Variants in HEATR3 observed in about 807,000 individuals in gnomAD.
HEATR3 encodes HEAT repeat containing 3, also known as HEAT repeat-containing protein 3.
HEATR3 carries 56 observed loss-of-function variants against 72.8 expected under a neutral mutation model. The observed-to-expected ratio is 0.77, with a 90% CI of 0.62 to 0.96. The LOEUF is 0.96. Ranked by LOEUF, HEATR3 falls within the 40% of genes least tolerant of loss-of-function variation. The probability of loss-of-function intolerance (pLI) is 0.00; values close to 1 mark genes in which losing one functional copy is unlikely to be tolerated. For missense variants in HEATR3, 747 were observed against 831.4 expected (o/e 0.90, Z 1.25); for synonymous variants, 331 against 318.1 (o/e 1.04, Z -0.43).
intron 14 of HEATR3, among the ~76,000 whole-genome samples, chr16:50,103,190 C>G (rs894595073): frequency 4.6e-5 from 7 of 152,230 alleles, no homozygotes; most frequent in African/African-American, 1.4e-4. Flanking sequence ...AGTCATCAAA[C>G]TCTGCAGAAG....
In HEATR3 at chr16:50,099,675, T is replaced by C. The variant is rs185926914; in HGVS notation, c.1600-555T>C. Among the ~76,000 whole-genome samples, 61 of 152,278 alleles carry C rather than the reference T, an allele frequency of 4.0e-4. 1 individual carries two copies. The highest frequency in any genetic ancestry group is 1.2e-3 in the African/African-American group (51 of 41,568). On this transcript the variant is annotated intron_variant, in intron 12 of 14. Coordinates refer to ENST00000299192, the MANE Select transcript of HEATR3 (RefSeq NM_182922.4). ...CTCACTGCAACCTCTGTCTCCCAGG[T>C]TCAAGCGTTTCTTGTGCCTCAGCCT...
chr16:50,100,645 G>A (rs761501993), intron 13 of HEATR3: 7 of 388,044 alleles, frequency 1.8e-5, no homozygotes, highest in Non-Finnish European at 3.2e-5. Flanking sequence ...TAGTGAAAGG[G>A]CAAATTCAGA....
intron 13 of HEATR3, among the ~76,000 whole-genome samples, chr16:50,101,764 G>A (rs138222447): frequency 6.6e-6 from 1 of 152,198 alleles, no homozygotes; most frequent in African/African-American, 2.4e-5. Context: ...ACGTTTTTTA[G>A]AGATGAGGTC....
intron 11 of HEATR3, among the ~76,000 whole-genome samples, chr16:50,086,717 G>A (rs1597159126): frequency 6.6e-6 from 1 of 152,236 alleles, no homozygotes. Context: ...ATCACCTCAG[G>A]TCAGGAGTTG....
At position 50,075,562 on chromosome 16, in the gene HEATR3, G is replaced by A. The variant is rs764978858; in HGVS notation, c.623-9G>A. ...ATTTGTTTCTAAATACTTATTTTTT[G>A]CCTCGTAGCATATTGTTTGCAGACA... On this transcript the variant is annotated splice_polypyrimidine_tract_variant and intron_variant, in intron 5 of 14. Transcript: ENST00000299192. The A allele has an allele frequency of 6.2e-7, 1 of 1,603,510 alleles. No homozygotes were observed. Among genetic ancestry groups the A allele is most frequent in the Admixed American group, 1.7e-5 (1 of 59,030 alleles).
intron 5 of HEATR3, among the ~76,000 whole-genome samples, 162 bp from the exon 6 acceptor site, chr16:50,075,409 C>T (rs2036702973): frequency 6.6e-6 from 1 of 152,010 alleles, no homozygotes; most frequent in Non-Finnish European, 1.5e-5. Context: ...TGGGAAGCCT[C>T]ATTTGCGCAT....
chr16:50,072,098 AAAAT>A (rs2036624909), intron 4 of HEATR3, among the ~76,000 whole-genome samples: 2 of 152,312 alleles, frequency 1.3e-5, no homozygotes, highest in African/African-American at 4.8e-5. Context: ...TAAAAAATAA[AAAAT>A]AAATTTGTGT....
chr16:50,079,178 T>C (rs1403721698), intron 7 of HEATR3, among the ~76,000 whole-genome samples, 160 bp downstream of exon 7: 1 of 152,160 alleles, frequency 6.6e-6, no homozygotes, highest in Non-Finnish European at 1.5e-5. Context: ...TTTATGTCAT[T>C]AAAAATCTCC....
intron 13 of HEATR3, among the ~76,000 whole-genome samples, 184 bp from the exon 14 acceptor site, chr16:50,102,075 A>G (rs9928636): frequency 0.028 from 4,331 of 152,266 alleles, 214 homozygotes; most frequent in African/African-American, 0.1. Flanking sequence ...AAACTATAAT[A>G]TGTTTAATTT....
chr16:50,095,459 T>G (rs983920290), intron 12 of HEATR3, among the ~76,000 whole-genome samples: 53 of 149,870 alleles, frequency 3.5e-4, no homozygotes, highest in Admixed American at 2.3e-3. Context: ...AAGCATGCCC[T>G]CCTGACCCTT....
At chr16:50,094,520 T>TA (rs2150621511) in intron 11 of HEATR3, among the ~76,000 whole-genome samples, 185 bp from the exon 12 acceptor site, 1 of 152,320 alleles carries the variant, frequency 6.6e-6, no homozygotes, top group South Asian at 2.1e-4. Context: ...CAGACTTAGG[T>TA]ATAGAGTGTA....
chr16:50,079,661 A>G (rs117665728), intron 7 of HEATR3, among the ~76,000 whole-genome samples: 2,229 of 152,282 alleles, frequency 0.015, 23 homozygotes, highest in Non-Finnish European at 0.025. Context: ...ACACTTTGTT[A>G]AGGAGGAGAG....
At chr16:50,087,577 A>C (rs953063761) in intron 11 of HEATR3, among the ~76,000 whole-genome samples, 2 of 152,204 alleles carry the variant, frequency 1.3e-5, no homozygotes, top group Admixed American at 1.3e-4. Context: ...GGTGTTTTCT[A>C]TACTGAAGGA....
intron 2 of HEATR3, among the ~76,000 whole-genome samples, chr16:50,068,145 C>G (rs891944091): frequency 3.9e-5 from 6 of 152,124 alleles, no homozygotes; most frequent in African/African-American, 1.4e-4. Flanking sequence ...GGGATCCTGG[C>G]ACATTGTGAG....
chr16:50,079,519 G>T (rs981025388), intron 7 of HEATR3, among the ~76,000 whole-genome samples: 5 of 152,142 alleles, frequency 3.3e-5, no homozygotes, highest in Non-Finnish European at 7.3e-5. Flanking sequence ...AGTTTTCTTG[G>T]AGTCGGTGAT....
Position 50,105,009 on chromosome 16 carries a change from T to G in HEATR3, c.1991T>G (p.Leu664Trp). ...GTTCTTGACAATGTGAAAATGAATT[T>G]GCGAAGATTTATTGCTTATCAAGAA... ...LCVLDNVKMN[L>W]RRFIAYQETV... is the part of the protein sequence containing the mutation. Residue 664 changes from leucine to tryptophan, a missense_variant, in exon 15 of 15, where the codon TTG (leucine) becomes TGG (tryptophan). By Grantham distance (61) the Leu-to-Trp change is moderately conservative. Around this residue, in one of 2 missense-constraint regions of HEATR3, gnomAD observed 586 missense variants for 708.8 expected, o/e 0.83. Transcript: ENST00000299192. The G allele has an allele frequency of 6.2e-7, 1 of 1,613,356 alleles. No homozygotes were observed. The highest frequency in any genetic ancestry group is 1.7e-5 in the Admixed American group (1 of 59,886).
chr16:50,072,520 C>T (rs1051695800), intron 4 of HEATR3, 85 bp from the exon 5 acceptor site: 21 of 840,354 alleles, frequency 2.5e-5, no homozygotes, highest in Non-Finnish European at 3.5e-5. Flanking sequence ...TATAAAGCCT[C>T]GTTTGTTTTT....
rs1056624434 is a variant in HEATR3 at position 50,105,987 on chromosome 16, G to A, written c.*926G>A. The A allele has an allele frequency of 2.0e-5, 3 of 152,148 alleles. No individual in the cohort carries two copies. Among genetic ancestry groups the A allele is most frequent in the Non-Finnish European group, 4.4e-5 (3 of 68,028 alleles). 9.4% of individuals were successfully genotyped at this position (152,148 alleles called of 1,614,324 possible). The stretch of plus-strand genomic sequence containing the variant: ...AGAGTGGAAGAGTGGAAGTGCGAAG[G>A]AATCTCAGGTAGCTCTTAACTAATT... On this transcript the variant is annotated 3_prime_UTR_variant, in exon 15 of 15. Coordinates refer to ENST00000299192, the MANE Select transcript of HEATR3 (RefSeq NM_182922.4).
intron 7 of HEATR3, among the ~76,000 whole-genome samples, chr16:50,081,266 C>G (rs1364376224): frequency 2.6e-5 from 4 of 151,980 alleles, no homozygotes; most frequent in African/African-American, 9.7e-5. Context: ...ATGGTGAAAC[C>G]CCATCTCTAC....
Sources: gnomAD v4.1 joint callset for allele counts (sites outside exome capture counted in the v4.1 genomes callset) on GRCh38, gnomAD v4.1.1 for gene constraint, gnomAD v4.1.1 regional missense constraint, MANE v1.5 for transcripts, NCBI Gene and HGNC (gene_info 2026-07-23, HGNC 2026-07-21) for gene names.